Variants in LINGO2 observed in about 807,000 individuals in gnomAD.
LINGO2 encodes leucine-rich repeat and immunoglobulin-like domain-containing nogo receptor-interacting protein 2.
In LINGO2, 14 loss-of-function variants were observed where a neutral mutation model predicts 30.6. The ratio of observed to expected loss-of-function variants is 0.46; its 90% CI spans 0.30 to 0.72. The LOEUF (loss-of-function observed/expected upper bound fraction) is 0.72. Among genes scored for constraint, LINGO2 ranks in the 30% least tolerant of loss-of-function variants. The pLI, the probability that LINGO2 is intolerant of heterozygous loss-of-function variation, is 0.07. For missense variants in LINGO2, 729 were observed against 751.7 expected, an observed-to-expected ratio of 0.97 and a Z score of 0.35; for synonymous variants, 317 against 288.5, an observed-to-expected ratio of 1.10 and a Z score of -1.00.
chr9:29,023,072 T>G, the LINGO2 span, among the ~76,000 whole-genome samples: 1 of 152,144 alleles, frequency 6.6e-6, no homozygotes, highest in Non-Finnish European at 1.5e-5. Flanking sequence ...AACATATACT[T>G]GTTGGCTCAC....
At chr9:29,115,892 T>C in the LINGO2 span, among the ~76,000 whole-genome samples, 1 of 152,020 alleles carries the variant, frequency 6.6e-6, no homozygotes, top group Admixed American at 6.6e-5. Context: ...AAGAATATAA[T>C]ACTCTCTGCA....
chr9:28,318,657 A>G lies in LINGO2; in HGVS notation c.-245-23291T>C, dbSNP rs145771179. Among the ~76,000 whole-genome samples the G allele has an allele frequency of 1.8e-3, 268 of 152,296 alleles. 2 individuals carry two copies. Among genetic ancestry groups the G allele is most frequent in the African/African-American group, 6.1e-3 (253 of 41,576 alleles). On this transcript the variant is annotated intron_variant, in intron 3 of 5. Transcript: ENST00000379992. ...AGAGAGATCAATTGTTGTATTGTCT[A>G]TTGACAAGAATTCCGCCTGGCATTA...
chr9:28,081,275 T>C (rs1486704413), intron 4 of LINGO2, among the ~76,000 whole-genome samples: 2 of 144,826 alleles, frequency 1.4e-5, no homozygotes, highest in Non-Finnish European at 1.5e-5. Flanking sequence ...TCACCTCTGG[T>C]TAAGATTCAA....
chr9:28,386,210 C>T (rs7865192), intron 2 of LINGO2, among the ~76,000 whole-genome samples: 5,094 of 152,164 alleles, frequency 0.033, 279 homozygotes, highest in African/African-American at 0.12. Context: ...CAAGAACTAC[C>T]CCTTTATCCT....
intron 2 of LINGO2, among the ~76,000 whole-genome samples, chr9:28,437,521 A>C (rs1823993851): frequency 6.7e-6 from 1 of 149,860 alleles, no homozygotes; most frequent in Non-Finnish European, 1.5e-5. Flanking sequence ...ATCCCTTCCT[A>C]TACACACAGA....
chr9:28,447,124 T>G (rs546999365), intron 2 of LINGO2, among the ~76,000 whole-genome samples: 2 of 152,178 alleles, frequency 1.3e-5, no homozygotes, highest in East Asian at 1.9e-4. Flanking sequence ...CATCCTAGGT[T>G]AGGTTTGCCT....
intron 1 of LINGO2, among the ~76,000 whole-genome samples, chr9:28,522,419 A>C (rs1354118083): frequency 6.6e-6 from 1 of 152,184 alleles, no homozygotes; most frequent in Non-Finnish European, 1.5e-5. Flanking sequence ...AGGGGAGTAC[A>C]GAGCTACTAG....
chr9:28,181,193 C>T (rs1231879361), intron 4 of LINGO2, among the ~76,000 whole-genome samples: 1 of 152,124 alleles, frequency 6.6e-6, no homozygotes, highest in Non-Finnish European at 1.5e-5. Flanking sequence ...GCTCTTACCA[C>T]CAACCAGCAT....
At chr9:28,781,849 T>C in the LINGO2 span, among the ~76,000 whole-genome samples, 6,258 of 152,250 alleles carry the variant, frequency 0.041, 201 homozygotes, top group Admixed American at 0.085. Flanking sequence ...CTCAATACCA[T>C]TACTTATTGG....
intron 4 of LINGO2, among the ~76,000 whole-genome samples, chr9:28,266,731 T>G (rs557760025): frequency 6.6e-6 from 1 of 152,190 alleles, no homozygotes; most frequent in South Asian, 2.1e-4. Flanking sequence ...ATTCTTGCTC[T>G]GTGCCTCTTC....
chr9:28,736,501 C>T, the LINGO2 span, among the ~76,000 whole-genome samples: 1 of 152,088 alleles, frequency 6.6e-6, no homozygotes, highest in Admixed American at 6.6e-5. Flanking sequence ...AACAATAAAA[C>T]ATAAGTAGGC....
At chr9:28,167,227 C>G (rs1001173248) in intron 4 of LINGO2, among the ~76,000 whole-genome samples, 1 of 147,488 alleles carries the variant, frequency 6.8e-6, no homozygotes, top group Non-Finnish European at 1.5e-5. Flanking sequence ...TTCTACTCAA[C>G]TTTGTAAGAT....
intron 1 of LINGO2, among the ~76,000 whole-genome samples, chr9:28,580,511 C>G (rs1824208207): frequency 6.6e-6 from 1 of 151,900 alleles, no homozygotes; most frequent in Admixed American, 6.6e-5. Flanking sequence ...ATGGAAGGAT[C>G]ATGCTGATTA....
the LINGO2 span, among the ~76,000 whole-genome samples, chr9:28,839,785 G>A: frequency 2.6e-5 from 4 of 152,194 alleles, no homozygotes; most frequent in Admixed American, 1.3e-4. Flanking sequence ...TCCCAGGCTT[G>A]AAGGTGGATC....
the LINGO2 span, among the ~76,000 whole-genome samples, chr9:29,061,663 C>T: frequency 6.6e-6 from 1 of 152,058 alleles, no homozygotes; most frequent in East Asian, 1.9e-4. Flanking sequence ...TTACCTTACA[C>T]CATATACAAA....
At chr9:28,639,319 G>T (rs1827451154) in intron 1 of LINGO2, among the ~76,000 whole-genome samples, 1 of 152,186 alleles carries the variant, frequency 6.6e-6, no homozygotes, top group African/African-American at 2.4e-5. Context: ...GGAGAGTTCT[G>T]TAGATGTCTA....
At chr9:28,399,666 T>G (rs1822182391) in intron 2 of LINGO2, among the ~76,000 whole-genome samples, 1 of 152,204 alleles carries the variant, frequency 6.6e-6, no homozygotes. Context: ...ACTATGGGGT[T>G]AATACTTCCT....
chr9:28,397,373 ACATAT>A (rs1171322389), intron 2 of LINGO2, among the ~76,000 whole-genome samples: 1 of 45,358 alleles, frequency 2.2e-5, no homozygotes, highest in South Asian at 5.3e-4. Flanking sequence ...ATATATATAT[ACATAT>A]ATATATATAC....
chr9:28,745,323 G>A, the LINGO2 span, among the ~76,000 whole-genome samples: 132 of 152,184 alleles, frequency 8.7e-4, no homozygotes, highest in Admixed American at 1.1e-3. Context: ...GTATGCATGT[G>A]GCTTGAAGGT....
Sources: gnomAD v4.1 joint callset for allele counts (sites outside exome capture counted in the v4.1 genomes callset) on GRCh38, gnomAD v4.1.1 for gene constraint, MANE v1.5 for transcripts, NCBI Gene and HGNC (gene_info 2026-07-23, HGNC 2026-07-21) for gene names.